Variants in SMC3 observed in about 807,000 individuals in gnomAD.
SMC3 encodes the protein structural maintenance of chromosomes 3, also known as structural maintenance of chromosomes protein 3.
In SMC3, 20 loss-of-function variants were observed where a neutral mutation model predicts 171.8. The observed-to-expected ratio is 0.12, with a 90% CI of 0.08 to 0.17. The LOEUF (loss-of-function observed/expected upper bound fraction) is 0.17. Ranked by LOEUF, SMC3 falls within the 10% of genes least tolerant of loss-of-function variation. The pLI, the probability that SMC3 is intolerant of heterozygous loss-of-function variation, is 1.00. For synonymous variants in SMC3, 464 were observed against 451.1 expected (o/e 1.03, Z -0.36); for missense variants, 543 against 1,420.4 (o/e 0.38, Z 9.93).
chr10:110,604,026 C>T (rs542556275), intron 28 of SMC3, among the ~76,000 whole-genome samples: 87 of 128,494 alleles, frequency 6.8e-4, no homozygotes, highest in African/African-American at 2.5e-3. Flanking sequence ...ACCTGGGAGG[C>T]GGAGGTAGCA....
In SMC3 at chr10:110,568,767, C is replaced by CTT. The variant is rs35132779; in HGVS notation, c.16-159_16-158dup. Reference sequence around the variant, plus strand: ...TGGCAAAGATTACCGATAAAAGTACCTTTTTTTTTTTTTAGCAGATTTTTA... The same window carrying CTT: ...TGGCAAAGATTACCGATAAAAGTACCTTTTTTTTTTTTTTTAGCAGATTTTTA... On this transcript the variant is annotated intron_variant, in intron 1 of 28. Transcript: ENST00000361804. Among the ~76,000 whole-genome samples, 669 of 143,192 alleles carry CTT rather than the reference C, an allele frequency of 4.7e-3. 2 individuals are homozygous for CTT. The highest frequency in any genetic ancestry group is 7.4e-3 in the African/African-American group (289 of 39,166). 93.9% of individuals were successfully genotyped at this position (143,192 alleles called of 152,430 possible).
rs927020576 is a variant in SMC3 at position 110,604,513 on chromosome 10, T to C, written c.*211T>C. The C allele has an allele frequency of 3.6e-5, 18 of 502,806 alleles. No homozygotes were observed. Among genetic ancestry groups the C allele is most frequent in the African/African-American group, 7.8e-5 (4 of 51,502 alleles). 31.1% of individuals were successfully genotyped at this position (502,806 alleles called of 1,614,324 possible). ...AGAATTTAATTTCCTGTACAACTTT[T>C]TGTAAAATGTTCTGCTCCTATTTTA... On this transcript the variant is annotated 3_prime_UTR_variant, in exon 29 of 29. Coordinates refer to ENST00000361804, the MANE Select transcript of SMC3 (RefSeq NM_005445.4).
At chr10:110,570,372 G>GT (rs1231575839) in intron 2 of SMC3, among the ~76,000 whole-genome samples, 1 of 152,100 alleles carries the variant, frequency 6.6e-6, no homozygotes, top group African/African-American at 2.4e-5. Flanking sequence ...TTGAAGGCAG[G>GT]TTTTTTTGCC....
intron 13 of SMC3, among the ~76,000 whole-genome samples, chr10:110,586,765 C>A (rs1027906663): frequency 6.6e-5 from 10 of 152,130 alleles, no homozygotes; most frequent in African/African-American, 2.4e-4. Flanking sequence ...TCAAGCGATT[C>A]TCCTACCTCA....
intron 19 of SMC3, among the ~76,000 whole-genome samples, chr10:110,597,392 T>C (rs928764115): frequency 7.9e-5 from 12 of 152,194 alleles, no homozygotes; most frequent in Admixed American, 3.9e-4. Context: ...AGAAGTACTT[T>C]ATGTGTGCTT....
chr10:110,593,594 CTG>C (rs961058356), intron 18 of SMC3, among the ~76,000 whole-genome samples: 9 of 151,514 alleles, frequency 5.9e-5, no homozygotes, highest in Non-Finnish European at 1.3e-4. Flanking sequence ...GACATATAAT[CTG>C]TATAATATGT....
Position 110,589,710 on chromosome 10 carries a change from T to G in SMC3, c.1409+2T>G. 6.4e-7 allele frequency: 1 copy of G among 1,556,302 alleles called. No individual in the cohort carries two copies. The highest frequency in any genetic ancestry group is 8.9e-7 in the Non-Finnish European group (1 of 1,128,974). ...AGATGAACTACAAAGTGAAAGAAAG[T>G]TAGTATAGACTAAAATGTGCATTAA... On this transcript the variant is annotated splice_donor_variant, in intron 14 of 28. Transcript: ENST00000361804. LOFTEE classifies it high-confidence loss of function.
chr10:110,581,899 A>C (rs745872042), intron 8 of SMC3, 24 bp from the exon 9 acceptor site: 1 of 1,595,312 alleles, frequency 6.3e-7, no homozygotes, highest in African/African-American at 1.4e-5. Context: ...CAATTCTTCC[A>C]CCTCTCTCCC....
chr10:110,580,044 TAAAA>T (rs1175554193), intron 7 of SMC3, among the ~76,000 whole-genome samples: 4 of 152,114 alleles, frequency 2.6e-5, no homozygotes, highest in African/African-American at 7.2e-5. Flanking sequence ...TTAAAATAAA[TAAAA>T]TTTTAAAACA....
At chr10:110,582,765 C>G (rs995127078) in intron 10 of SMC3, 123 bp downstream of exon 10, 4 of 735,582 alleles carry the variant, frequency 5.4e-6, no homozygotes, top group Non-Finnish European at 9.7e-6. Context: ...ACTTCCTGGG[C>G]TCAGGCAATC....
intron 4 of SMC3, among the ~76,000 whole-genome samples, chr10:110,577,211 A>G (rs562499417): frequency 6.6e-6 from 1 of 152,260 alleles, no homozygotes; most frequent in East Asian, 1.9e-4. Context: ...AGAGGGATAT[A>G]TACTATAACT....
intron 18 of SMC3, among the ~76,000 whole-genome samples, chr10:110,594,292 A>G (rs918055015): frequency 1.3e-5 from 2 of 151,648 alleles, no homozygotes; most frequent in Admixed American, 1.3e-4. Context: ...CACAAAGGAG[A>G]TGAATTGTAT....
intron 15 of SMC3, 75 bp from the exon 16 acceptor site, chr10:110,590,337 G>T: frequency 8.1e-7 from 1 of 1,233,520 alleles, no homozygotes; most frequent in Non-Finnish European, 1.2e-6. Flanking sequence ...AATGTATGGT[G>T]TTGTGGGCTC....
rs555771604 is a variant in SMC3 at position 110,569,074 on chromosome 10, C to G, written c.91+61C>G. 6.7e-5 allele frequency: 71 copies of G among 1,061,292 alleles called. No individual in the cohort carries two copies. The South Asian group carries it at 8.6e-4, about 13-fold the overall frequency. The allele number at this position is 1,061,292 out of a possible 1,614,324, so 65.7% of individuals were successfully genotyped here. A position where few individuals can be genotyped will look rare whatever the true frequency, so the allele number is the denominator to read the frequency against. ...TCTATACAGATAATGTAAATTCTGT[C>G]CATTTCTATATTGGCTTAAGGAGAC... On this transcript the variant is annotated intron_variant, in intron 2 of 28. Coordinates refer to ENST00000361804, the MANE Select transcript of SMC3 (RefSeq NM_005445.4).
chr10:110,582,483 GA>G, intron 9 of SMC3, 78 bp from the exon 10 acceptor site: 1 of 1,039,894 alleles, frequency 9.6e-7, no homozygotes, highest in Non-Finnish European at 1.4e-6. Context: ...TATTTTAATA[GA>G]AAAATTTTTA....
In SMC3 at chr10:110,575,238, A is replaced by G. The variant is rs1564788340; in HGVS notation, c.131-98A>G. On this transcript the variant is annotated intron_variant, in intron 3 of 28. Transcript: ENST00000361804. ...AACAGATAATTTATTTGCATTGTCT[A>G]TTACCAGACACACTATGTTCTATTG... is the stretch of plus-strand genomic sequence containing the variant. 1.5e-5 allele frequency: 13 copies of G among 853,742 alleles called. No homozygotes were observed. In the East Asian group the frequency reaches 1.5e-4, roughly 10 times the overall value. 52.9% of individuals were successfully genotyped at this position (853,742 alleles called of 1,614,324 possible).
At chr10:110,602,320 A>G (rs1861400077) in intron 25 of SMC3, 142 bp downstream of exon 25, 1 of 950,392 alleles carries the variant, frequency 1.1e-6, no homozygotes, top group Non-Finnish European at 1.7e-6. Context: ...ATAGGTTTAC[A>G]GTAACTTGAA....
rs1026696765 is a variant in SMC3 at position 110,599,520 on chromosome 10, A to C, written c.2269-134A>C. 9.5e-6 allele frequency: 7 copies of C among 739,686 alleles called. No homozygotes were observed. The African/African-American group carries it at 1.2e-4, about 13-fold the overall frequency. The allele number at this position is 739,686 out of a possible 1,614,324, so 45.8% of individuals were successfully genotyped here. A position where few individuals can be genotyped will look rare whatever the true frequency, so the allele number is the denominator to read the frequency against. ...TCTTGTTGCTAGAGTCCTAATTACC[A>C]AATTAATAGGCACCTAATATTTGAG... On this transcript the variant is annotated intron_variant, in intron 20 of 28. Coordinates refer to ENST00000361804, the MANE Select transcript of SMC3 (RefSeq NM_005445.4).
chr10:110,596,095 A>G (rs1022795311), intron 18 of SMC3, among the ~76,000 whole-genome samples: 1 of 151,240 alleles, frequency 6.6e-6, no homozygotes, highest in Non-Finnish European at 1.5e-5. Context: ...GGTGGTGCAC[A>G]CCTGTAGTCC....
Sources: allele counts gnomAD v4.1 joint callset (sites outside exome capture counted in the v4.1 genomes callset), GRCh38; gene constraint gnomAD v4.1.1; transcripts MANE v1.5; gene names NCBI Gene and HGNC (gene_info 2026-07-23, HGNC 2026-07-21).